MYO1D: variants seen among roughly 807,000 people sequenced by gnomAD.
MYO1D encodes unconventional myosin-Id.
In MYO1D, 83 loss-of-function variants were observed where a neutral mutation model predicts 122.0. The observed-to-expected ratio is 0.68, with a 90% CI of 0.57 to 0.82. The LOEUF (loss-of-function observed/expected upper bound fraction) is 0.82. MYO1D is among the 40% of genes least tolerant of loss of function. The pLI is 0.00. For missense variants in MYO1D, 1,157 were observed against 1,269.5 expected (o/e 0.91, Z 1.35); for synonymous variants, 464 against 446.9 (o/e 1.04, Z -0.48).
chr17:32,683,758 T>C (rs1447043416), intron 16 of MYO1D, among the ~76,000 whole-genome samples: 4 of 152,200 alleles, frequency 2.6e-5, no homozygotes, highest in Non-Finnish European at 4.4e-5. Flanking sequence ...CAGGCCTCCT[T>C]GAACTGTGGT....
chr17:32,794,401 G>A (rs1007699707), intron 1 of MYO1D: 2 of 151,966 alleles, frequency 1.3e-5, no homozygotes, highest in Admixed American at 6.6e-5. Context: ...TGATATATAC[G>A]TTTTTAGGTG....
At chr17:32,516,601 T>G (rs970210990) in intron 21 of MYO1D, among the ~76,000 whole-genome samples, 5 of 152,200 alleles carry the variant, frequency 3.3e-5, no homozygotes, top group African/African-American at 1.2e-4. Flanking sequence ...CGTAGAAGAT[T>G]TAAATGTGAA....
chr17:32,646,125 A>C (rs921060333), intron 19 of MYO1D, among the ~76,000 whole-genome samples: 9 of 152,158 alleles, frequency 5.9e-5, no homozygotes, highest in Admixed American at 1.3e-4. Context: ...TCTAACAGTC[A>C]GGATCCCATG....
chr17:32,592,198 A>G (rs28681656), intron 21 of MYO1D, among the ~76,000 whole-genome samples: 7,718 of 152,240 alleles, frequency 0.051, 651 homozygotes, highest in African/African-American at 0.17. Flanking sequence ...ATGGTTTAGC[A>G]CCAGGTTCCC....
intron 10 of MYO1D, among the ~76,000 whole-genome samples, chr17:32,757,069 T>G (rs1387879456): frequency 6.6e-6 from 1 of 152,182 alleles, no homozygotes; most frequent in Non-Finnish European, 1.5e-5. Context: ...TTACCTTCTA[T>G]AAGGTCTATA....
chr17:32,876,758 C>A lies in MYO1D; in HGVS notation c.95+20G>T. On this transcript the variant is annotated intron_variant, in intron 1 of 21. Transcript: ENST00000318217. ...GAAAGCGCAGCCTCGCGCCCCTGCG[C>A]GCGGCCGCTCCGCCCTCACCTGAGC... 6.7e-7 allele frequency: 1 copy of A among 1,490,312 alleles called. No individual in the cohort carries two copies. 92.3% of individuals were successfully genotyped at this position (1,490,312 alleles called of 1,614,324 possible).
intron 13 of MYO1D, among the ~76,000 whole-genome samples, chr17:32,742,695 T>C (rs923515714): frequency 2.6e-5 from 4 of 152,220 alleles, no homozygotes; most frequent in African/African-American, 9.6e-5. Flanking sequence ...TGAAAGTCCC[T>C]TTTCCCCATG....
At chr17:32,541,881 C>T (rs1319350404) in intron 21 of MYO1D, among the ~76,000 whole-genome samples, 2 of 152,178 alleles carry the variant, frequency 1.3e-5, no homozygotes, top group African/African-American at 4.8e-5. Context: ...AACTCTTTGC[C>T]TTCCCTGAAA....
At chr17:32,864,935 A>G (rs1301553893) in intron 1 of MYO1D, among the ~76,000 whole-genome samples, 1 of 152,208 alleles carries the variant, frequency 6.6e-6, no homozygotes. Flanking sequence ...GTTGAATGCA[A>G]TTAAAAAAAA....
chr17:32,617,448 T>C (rs1484673805), intron 20 of MYO1D, among the ~76,000 whole-genome samples: 1 of 152,148 alleles, frequency 6.6e-6, no homozygotes, highest in Non-Finnish European at 1.5e-5. Flanking sequence ...GCTCTTTTTT[T>C]TGAGACGGAG....
chr17:32,599,018 C>T (rs750920179), intron 21 of MYO1D, among the ~76,000 whole-genome samples: 4 of 152,172 alleles, frequency 2.6e-5, no homozygotes, highest in South Asian at 2.1e-4. Flanking sequence ...TTGCTGATGG[C>T]GGGGGTGGCT....
At chr17:32,728,686 TA>T (rs896499734) in intron 14 of MYO1D, among the ~76,000 whole-genome samples, 1 of 152,134 alleles carries the variant, frequency 6.6e-6, no homozygotes, top group Non-Finnish European at 1.5e-5. Flanking sequence ...TCTGAACAAC[TA>T]AACCTTAGGT....
chr17:32,874,752 G>A (rs1290104618), intron 1 of MYO1D, among the ~76,000 whole-genome samples: 1 of 151,996 alleles, frequency 6.6e-6, no homozygotes, highest in Non-Finnish European at 1.5e-5. Flanking sequence ...GCAACTCTAA[G>A]GGCCCATCTC....
chr17:32,498,764 A>G (rs1047382231), intron 21 of MYO1D: 8 of 152,370 alleles, frequency 5.3e-5, no homozygotes, highest in Middle Eastern at 3.4e-3. Flanking sequence ...AGATGGTTCA[A>G]GAGAGCTATA....
At chr17:32,722,735 G>C (rs1224458077) in intron 14 of MYO1D, among the ~76,000 whole-genome samples, 3 of 152,186 alleles carry the variant, frequency 2.0e-5, no homozygotes, top group Non-Finnish European at 2.9e-5. Flanking sequence ...GATGACTATG[G>C]TATAGTAATA....
At chr17:32,686,166 T>G (rs2150970524) in intron 16 of MYO1D, 1 of 152,310 alleles carries the variant, frequency 6.6e-6, no homozygotes, top group South Asian at 2.1e-4. Context: ...ACAAAAACTT[T>G]GCATATATGA....
intron 20 of MYO1D, among the ~76,000 whole-genome samples, chr17:32,609,400 T>C (rs2087671199): frequency 6.6e-6 from 1 of 152,180 alleles, no homozygotes; most frequent in Non-Finnish European, 1.5e-5. Context: ...CAGAAGATGC[T>C]GAGAATGTGA....
At chr17:32,674,796 A>C (rs1388056891) in intron 16 of MYO1D, among the ~76,000 whole-genome samples, 1 of 152,168 alleles carries the variant, frequency 6.6e-6, no homozygotes, top group Non-Finnish European at 1.5e-5. Context: ...GTGCTCTTCA[A>C]TGCAGCCCTG....
At chr17:32,554,913 T>C (rs747072844) in intron 21 of MYO1D, among the ~76,000 whole-genome samples, 1 of 152,160 alleles carries the variant, frequency 6.6e-6, no homozygotes, top group African/African-American at 2.4e-5. Flanking sequence ...GCTTGGTAAG[T>C]GAAGTATGCT....
Sources: allele counts gnomAD v4.1 joint callset (sites outside exome capture counted in the v4.1 genomes callset), GRCh38; gene constraint gnomAD v4.1.1; transcripts MANE v1.5; gene names NCBI Gene and HGNC (gene_info 2026-07-23, HGNC 2026-07-21).